ADAM7: variants seen among roughly 807,000 people sequenced by gnomAD.
ADAM7 encodes the protein disintegrin and metalloproteinase domain-containing protein 7.
A neutral mutation model predicts 102.9 loss-of-function variants in ADAM7; 97 were observed. The ratio of observed to expected loss-of-function variants is 0.94; its 90% CI spans 0.80 to 1.12. The LOEUF is 1.12. Ranked by LOEUF, ADAM7 falls within the 50% of genes most tolerant of loss-of-function variation. The probability of loss-of-function intolerance (pLI) is 0.00; values close to 1 mark genes in which losing one functional copy is unlikely to be tolerated. For missense variants in ADAM7, 991 were observed against 908.7 expected, an observed-to-expected ratio of 1.09 and a Z score of -1.16; for synonymous variants, 334 against 304.4, an observed-to-expected ratio of 1.10 and a Z score of -1.01.
At chr8:24,460,881 C>T (rs144850505) in intron 3 of ADAM7, among the ~76,000 whole-genome samples, 2,276 of 151,916 alleles carry the variant, frequency 0.015, 61 homozygotes, top group African/African-American at 0.052. Context: ...TCTTATCTCT[C>T]CCTTTTTGTT....
At position 24,467,185 on chromosome 8, in the gene ADAM7, T is replaced by C. The variant is rs113368922; in HGVS notation, c.579+197T>C. On this transcript the variant is annotated intron_variant, in intron 6 of 21. Coordinates refer to ENST00000175238, the MANE Select transcript of ADAM7 (RefSeq NM_003817.4). Reference sequence around the variant, plus strand: ...TATTTCATAGAGTTTGTTTAATCAGTTTCAAGAAAGGATGATTCTACAATT... The same window carrying C: ...TATTTCATAGAGTTTGTTTAATCAGCTTCAAGAAAGGATGATTCTACAATT... 2.8e-5 allele frequency: 17 copies of C among 604,474 alleles called. 1 individual carries two copies. Among genetic ancestry groups the C allele is most frequent in the African/African-American group, 1.9e-4 (10 of 53,986 alleles). 37.4% of individuals were successfully genotyped at this position (604,474 alleles called of 1,614,324 possible).
intron 19 of ADAM7, 145 bp downstream of exon 19, chr8:24,501,040 T>A: frequency 3.1e-6 from 2 of 643,422 alleles, no homozygotes; most frequent in Non-Finnish European, 5.2e-6. Flanking sequence ...CAAGCTTTTA[T>A]GTACTTGCTC....
intron 11 of ADAM7, among the ~76,000 whole-genome samples, chr8:24,488,066 T>C (rs543263038): frequency 6.6e-6 from 1 of 152,310 alleles, no homozygotes; most frequent in African/African-American, 2.4e-5. Context: ...TCCCACTCCA[T>C]TTGTTTTTTG....
At chr8:24,442,147 C>A (rs1240686069) in intron 1 of ADAM7, among the ~76,000 whole-genome samples, 1 of 152,152 alleles carries the variant, frequency 6.6e-6, no homozygotes, top group Non-Finnish European at 1.5e-5. Flanking sequence ...ACACTCCAGC[C>A]TGGCTGACAG....
chr8:24,506,106 T>A, intron 20 of ADAM7: 1 of 1,550,118 alleles, frequency 6.5e-7, no homozygotes. Flanking sequence ...AACTCCAGAA[T>A]CCTTGGAAAG....
Position 24,491,933 on chromosome 8 carries a change from G to A in ADAM7, c.1387G>A (p.Ala463Thr), listed in dbSNP as rs1820374117. The part of the protein sequence containing the change: ...IKKAGSICRP[A>T]KDECDFPEMC... ...AAAAGCAGGGTCCATATGCAGACCG[G>A]CGAAAGATGAATGTGATTTTCCTGA... Residue 463 changes from alanine to threonine, a missense_variant, in exon 14 of 22, where the codon GCG becomes ACG. By Grantham distance (58) the Ala-to-Thr change is moderately conservative. Transcript: ENST00000175238. 3 of 1,612,788 alleles carry A rather than the reference G, an allele frequency of 1.9e-6. No homozygotes were observed. The highest frequency in any genetic ancestry group is 2.5e-6 in the Non-Finnish European group (3 of 1,179,394).
intron 3 of ADAM7, among the ~76,000 whole-genome samples, chr8:24,453,026 A>C (rs2129376250): frequency 6.6e-6 from 1 of 151,466 alleles, no homozygotes; most frequent in African/African-American, 2.4e-5. Flanking sequence ...ATCTGCTGTT[A>C]GTCTGATGGG....
Position 24,468,814 on chromosome 8 carries a change from T to G in ADAM7, c.627T>G (p.Asp209Glu), listed in dbSNP as rs1440699456. 6.2e-7 allele frequency: 1 copy of G among 1,612,788 alleles called. No individual in the cohort carries two copies. The highest frequency in any genetic ancestry group is 2.2e-5 in the East Asian group (1 of 44,790). Residue 209 changes from aspartate to glutamate, a missense_variant, in exon 7 of 22, where the codon GAT (aspartate) becomes GAG (glutamate). Physicochemically the swap from Asp to Glu is conservative, Grantham distance 45. Transcript: ENST00000175238. ...KYVELFIVAD[D>E]TVYRRNGHPH... ...TTGAATTGTTCATTGTTGCTGATGA[T>G]ACTGTGGTAAGTTTTCAATAGAACA...
chr8:24,449,956 T>G (rs1818717076), intron 3 of ADAM7, among the ~76,000 whole-genome samples: 1 of 152,198 alleles, frequency 6.6e-6, no homozygotes, highest in Admixed American at 6.5e-5. Context: ...GACCAGATAG[T>G]TGTAGATATG....
In ADAM7 at chr8:24,465,557, T is replaced by A; in HGVS notation, c.313-142T>A. 6.6e-6 allele frequency: 3 copies of A among 457,386 alleles called. No homozygotes were observed. In the South Asian group the frequency reaches 2.4e-4, roughly 36 times the overall value. The allele number at this position is 457,386 out of a possible 1,614,324, so 28.3% of individuals were successfully genotyped here. ...TCAAATATTTCCAAATGAAAGAATTTAATGAATGAATGCAGAACAAATATC... is the reference window on the plus strand; with the variant it reads ...TCAAATATTTCCAAATGAAAGAATTAAATGAATGAATGCAGAACAAATATC... On this transcript the variant is annotated intron_variant, in intron 4 of 21. Coordinates refer to ENST00000175238, the MANE Select transcript of ADAM7 (RefSeq NM_003817.4).
chr8:24,489,468 T>C, intron 12 of ADAM7, 135 bp downstream of exon 12: 1 of 822,832 alleles, frequency 1.2e-6, no homozygotes, highest in Non-Finnish European at 1.8e-6. Context: ...CCATTTTTAT[T>C]TTGATTTTAT....
chr8:24,509,312 T>G lies in ADAM7; in HGVS notation c.*766T>G, dbSNP rs1821042812. 4.1e-6 allele frequency: 4 copies of G among 985,326 alleles called. No individual in the cohort carries two copies. In the South Asian group the frequency reaches 1.4e-4, roughly 35 times the overall value. 61.0% of individuals were successfully genotyped at this position (985,326 alleles called of 1,614,324 possible). A position where few individuals can be genotyped will look rare whatever the true frequency, so the allele number is the denominator to read the frequency against. ...CTTTGTCCTGTGCAATTTGACAATG[T>G]GCCATTTCTGTGCTGTCTCTGCCCT... is the stretch of plus-strand genomic sequence containing the variant. On this transcript the variant is annotated 3_prime_UTR_variant, in exon 22 of 22. Transcript: ENST00000175238.
At chr8:24,444,691 A>C (rs1602651) in intron 2 of ADAM7, among the ~76,000 whole-genome samples, 20,754 of 151,954 alleles carry the variant, frequency 0.14, 2,164 homozygotes, top group African/African-American at 0.3. Flanking sequence ...TAAAAAAAAA[A>C]ACACAAAAAA....
chr8:24,468,358 G>A (rs1165363859), intron 6 of ADAM7, among the ~76,000 whole-genome samples: 1 of 151,708 alleles, frequency 6.6e-6, no homozygotes, highest in Non-Finnish European at 1.5e-5. Context: ...TGACCTGAAA[G>A]CCTAAACAAA....
chr8:24,443,939 A>AAAAT (rs1381042850), intron 2 of ADAM7, among the ~76,000 whole-genome samples: 13 of 145,578 alleles, frequency 8.9e-5, no homozygotes, highest in African/African-American at 3.3e-4. Context: ...CTCAAAAAAT[A>AAAAT]AAAATAAAAT....
intron 3 of ADAM7, among the ~76,000 whole-genome samples, chr8:24,456,668 T>C (rs1445725054): frequency 2.0e-5 from 3 of 151,252 alleles, no homozygotes; most frequent in Non-Finnish European, 4.4e-5. Flanking sequence ...ATTACATTTG[T>C]CCATTCTGGA....
chr8:24,455,798 T>C (rs1243067995), intron 3 of ADAM7, among the ~76,000 whole-genome samples: 1 of 152,232 alleles, frequency 6.6e-6, no homozygotes, highest in Non-Finnish European at 1.5e-5. Flanking sequence ...ATTTGTTGAA[T>C]TTTATGTATG....
intron 3 of ADAM7, among the ~76,000 whole-genome samples, chr8:24,448,316 C>A (rs983155375): frequency 6.6e-6 from 1 of 152,222 alleles, no homozygotes; most frequent in Admixed American, 6.5e-5. Flanking sequence ...TTCACAATTA[C>A]CCCAGGCTGC....
chr8:24,481,631 C>A (rs1449515590), intron 8 of ADAM7, among the ~76,000 whole-genome samples: 2 of 152,148 alleles, frequency 1.3e-5, no homozygotes, highest in African/African-American at 4.8e-5. Context: ...TTAGAGCAAC[C>A]CCTAATGACA....
Sources: gnomAD v4.1 joint callset for allele counts (sites outside exome capture counted in the v4.1 genomes callset) on GRCh38, gnomAD v4.1.1 for gene constraint, MANE v1.5 for transcripts, NCBI Gene and HGNC (gene_info 2026-07-23, HGNC 2026-07-21) for gene names.